The following CACNB4 variants were observed in gnomAD, a reference collection of about 807,000 sequenced individuals.
CACNB4 encodes the protein calcium voltage-gated channel auxiliary subunit beta 4, also known as voltage-dependent L-type calcium channel subunit beta-4.
In CACNB4, 32 loss-of-function variants were observed where a neutral mutation model predicts 71.2. The observed-to-expected ratio is 0.45, with a 90% CI of 0.34 to 0.60. The LOEUF (loss-of-function observed/expected upper bound fraction) is 0.60. Among genes scored for constraint, CACNB4 ranks in the 20% least tolerant of loss-of-function variants. The pLI, the probability that CACNB4 is intolerant of heterozygous loss-of-function variation, is 0.01. For missense variants in CACNB4, 464 were observed against 647.9 expected, an observed-to-expected ratio of 0.72 and a Z score of 3.08; for synonymous variants, 231 against 236.9, an observed-to-expected ratio of 0.97 and a Z score of 0.23.
At chr2:152,069,382 T>C (rs1425823779) in intron 2 of CACNB4, among the ~76,000 whole-genome samples, 1 of 151,998 alleles carries the variant, frequency 6.6e-6, no homozygotes, top group African/African-American at 2.4e-5. Flanking sequence ...GGTCAAGACC[T>C]CAAAGCCTCC....
chr2:151,876,589 T>C (rs1578585698), intron 4 of CACNB4, 33 bp from the exon 5 acceptor site: 9 of 1,468,638 alleles, frequency 6.1e-6, no homozygotes, highest in Non-Finnish European at 7.5e-6. Context: ...CTATCAATAG[T>C]AATTCACTTA....
chr2:152,037,719 A>C (rs2105226893), intron 2 of CACNB4, among the ~76,000 whole-genome samples: 1 of 152,312 alleles, frequency 6.6e-6, no homozygotes, highest in Non-Finnish European at 1.5e-5. Flanking sequence ...GATGGGAGGG[A>C]GAGAAAGAAA....
chr2:151,953,885 C>T (rs1013182493), intron 2 of CACNB4, among the ~76,000 whole-genome samples: 3 of 152,214 alleles, frequency 2.0e-5, no homozygotes, highest in Admixed American at 6.5e-5. Context: ...CTCTGACAAA[C>T]GTGTTCACCC....
At chr2:151,937,264 T>C (rs1369006790) in intron 2 of CACNB4, among the ~76,000 whole-genome samples, 2 of 152,170 alleles carry the variant, frequency 1.3e-5, no homozygotes, top group Non-Finnish European at 2.9e-5. Context: ...CCATCAAATC[T>C]CTTTCTGCCA....
Position 151,869,162 on chromosome 2 carries a change from A to G in CACNB4, c.758+15T>C, listed in dbSNP as rs773907492. 3.4e-6 allele frequency: 5 copies of G among 1,449,866 alleles called. No homozygotes were observed. In the South Asian group the frequency reaches 6.1e-5, roughly 18 times the overall value. The allele number at this position is 1,449,866 out of a possible 1,614,324, so 89.8% of individuals were successfully genotyped here. On this transcript the variant is annotated intron_variant, in intron 9 of 13. Transcript: ENST00000539935. ...TAAAGGAAAATAAAAATACAAAAACATCTATATTTCTCACCTCCCATCAAA... is the reference window on the plus strand; with the variant it reads ...TAAAGGAAAATAAAAATACAAAAACGTCTATATTTCTCACCTCCCATCAAA...
intron 2 of CACNB4, among the ~76,000 whole-genome samples, chr2:151,903,541 AAAG>A (rs2099854002): frequency 6.6e-6 from 1 of 152,178 alleles, no homozygotes; most frequent in Non-Finnish European, 1.5e-5. Context: ...TTTACTTTGA[AAAG>A]AAGAATAAAA....
intron 2 of CACNB4, among the ~76,000 whole-genome samples, chr2:151,931,253 T>A (rs2099861553): frequency 6.6e-6 from 1 of 152,212 alleles, no homozygotes; most frequent in African/African-American, 2.4e-5. Context: ...AACCAGTTTA[T>A]ATGAGTAATG....
intron 2 of CACNB4, among the ~76,000 whole-genome samples, chr2:152,001,197 C>T (rs1440500729): frequency 6.6e-6 from 1 of 152,148 alleles, no homozygotes; most frequent in East Asian, 1.9e-4. Flanking sequence ...GCCTTAACCA[C>T]AGCCTCCTGC....
chr2:152,034,458 C>T (rs538620512), intron 2 of CACNB4, among the ~76,000 whole-genome samples: 5 of 152,290 alleles, frequency 3.3e-5, no homozygotes, highest in African/African-American at 9.6e-5. Flanking sequence ...GCAAGGACAA[C>T]GCTTATCCTG....
chr2:151,916,249 G>T (rs1045323845), intron 2 of CACNB4, among the ~76,000 whole-genome samples: 5 of 152,118 alleles, frequency 3.3e-5, no homozygotes, highest in African/African-American at 9.7e-5. Flanking sequence ...CTCTTTAAAT[G>T]ATTATATTCT....
intron 12 of CACNB4, chr2:151,853,185 T>C (rs2099839483): frequency 1.1e-5 from 4 of 354,716 alleles, no homozygotes; most frequent in Non-Finnish European, 1.0e-5. Flanking sequence ...GTTTGCTGCA[T>C]GTTTGCAAAG....
At chr2:151,973,499 T>C in intron 2 of CACNB4, 1 of 629,058 alleles carries the variant, frequency 1.6e-6, no homozygotes, top group Admixed American at 2.9e-5. Context: ...TAGTTACCTA[T>C]AAACTACACA....
At chr2:152,063,842 G>C (rs1686150574) in intron 2 of CACNB4, among the ~76,000 whole-genome samples, 1 of 152,140 alleles carries the variant, frequency 6.6e-6, no homozygotes, top group African/African-American at 2.4e-5. Flanking sequence ...AGCCAGTTTT[G>C]CCATTCCTCA....
At position 151,883,657 on chromosome 2, in the gene CACNB4, A is replaced by C. The variant is rs1373196127; in HGVS notation, c.148-287T>G. ...GCACCAATTCTTCTTGTTTTGTGCT[A>C]TATTAAGCCCATATCACTTGTGAAA... On this transcript the variant is annotated intron_variant, in intron 2 of 13. Transcript: ENST00000539935. 4 of 418,244 alleles carry C rather than the reference A, an allele frequency of 9.6e-6. No individual in the cohort carries two copies. The East Asian group carries it at 2.2e-4, about 22-fold the overall frequency. The allele number at this position is 418,244 out of a possible 1,614,324, so 25.9% of individuals were successfully genotyped here. A position where few individuals can be genotyped will look rare whatever the true frequency, so the allele number is the denominator to read the frequency against.
chr2:151,841,671 A>C, intron 13 of CACNB4: 1 of 467,316 alleles, frequency 2.1e-6, no homozygotes, highest in Non-Finnish European at 3.8e-6. Context: ...AATTTACCTA[A>C]GTAAAATCCA....
intron 2 of CACNB4, among the ~76,000 whole-genome samples, chr2:152,014,120 A>C (rs1362120699): frequency 6.6e-6 from 1 of 152,194 alleles, no homozygotes; most frequent in African/African-American, 2.4e-5. Flanking sequence ...AGGCAGGAGG[A>C]TCACTTACTT....
chr2:152,020,302 A>G (rs931873667), intron 2 of CACNB4, among the ~76,000 whole-genome samples: 2 of 152,158 alleles, frequency 1.3e-5, no homozygotes, highest in South Asian at 2.1e-4. Context: ...TTCTTCCCCT[A>G]TTCTTCCAGG....
intron 2 of CACNB4, among the ~76,000 whole-genome samples, chr2:151,887,338 G>C (rs1447031892): frequency 6.6e-6 from 1 of 151,824 alleles, no homozygotes; most frequent in East Asian, 1.9e-4. Flanking sequence ...AGACACCTCT[G>C]CAAGTCATAC....
At chr2:152,047,543 C>T (rs575412603) in intron 2 of CACNB4, among the ~76,000 whole-genome samples, 2 of 152,280 alleles carry the variant, frequency 1.3e-5, no homozygotes, top group East Asian at 3.9e-4. Context: ...TATTGATTTA[C>T]GATTATGCTT....
Sources: allele counts gnomAD v4.1 joint callset (sites outside exome capture counted in the v4.1 genomes callset), GRCh38; gene constraint gnomAD v4.1.1; transcripts MANE v1.5; gene names NCBI Gene and HGNC (gene_info 2026-07-23, HGNC 2026-07-21).